PRSS23: variants seen among roughly 807,000 people sequenced by gnomAD.
PRSS23 encodes the protein protease, serine 23.
Under a neutral mutation model 34.7 loss-of-function variants are expected in PRSS23, and 25 were observed. The ratio of observed to expected loss-of-function variants is 0.72; its 90% CI spans 0.53 to 1.01. PRSS23 has a LOEUF of 1.01. PRSS23 is among the 50% of genes least tolerant of loss of function. The pLI is 0.00. For synonymous variants in PRSS23, 176 were observed against 186.6 expected, an observed-to-expected ratio of 0.94 and a Z score of 0.46; for missense variants, 445 against 475.6, an observed-to-expected ratio of 0.94 and a Z score of 0.60.
At chr11:86,878,231 C>CG (rs1948738846) in intron 2 of PRSS23, among the ~76,000 whole-genome samples, 2 of 148,524 alleles carry the variant, frequency 1.3e-5, no homozygotes, top group African/African-American at 2.5e-5. Flanking sequence ...CCTACCCCTC[C>CG]CCCTCCCTCT....
intron 2 of PRSS23, among the ~76,000 whole-genome samples, chr11:86,841,861 G>C (rs1432261984): frequency 6.6e-6 from 1 of 152,172 alleles, no homozygotes; most frequent in Non-Finnish European, 1.5e-5. Flanking sequence ...GTATAAAGAG[G>C]AACTGGTACC....
chr11:86,854,518 T>C (rs578190470), intron 2 of PRSS23, among the ~76,000 whole-genome samples: 2 of 152,386 alleles, frequency 1.3e-5, no homozygotes, highest in South Asian at 4.1e-4. Flanking sequence ...GTCATTTAGA[T>C]GTAATCCAAG....
intron 2 of PRSS23, among the ~76,000 whole-genome samples, chr11:86,838,676 G>C (rs1948425256): frequency 6.6e-6 from 1 of 152,162 alleles, no homozygotes; most frequent in Admixed American, 6.5e-5. Flanking sequence ...TCCTCAAGTG[G>C]GTCCCTGAAC....
Position 86,807,829 on chromosome 11 carries a change from T to G in PRSS23, c.186T>G (p.Ser62=). 6.2e-7 allele frequency: 1 copy of G among 1,614,128 alleles called. No individual in the cohort carries two copies. Among genetic ancestry groups the G allele is most frequent in the East Asian group, 2.2e-5 (1 of 44,866 alleles). Residue 62 remains serine (S), a synonymous_variant, in exon 2 of 2, where the codon TCT becomes TCG. Coordinates refer to ENST00000280258, the MANE Select transcript of PRSS23 (RefSeq NM_007173.6). ...DFGAEAKLEV[S]SSCGPQCHKG... ...GAGCCGAAGCCAAATTAGAAGTATCTTCTTCATGTGGACCCCAGTGTCATA... is the reference window on the plus strand; with the variant it reads ...GAGCCGAAGCCAAATTAGAAGTATCGTCTTCATGTGGACCCCAGTGTCATA...
chr11:86,817,704 G>T (rs1225948214), intron 1 of PRSS23, among the ~76,000 whole-genome samples: 2 of 152,148 alleles, frequency 1.3e-5, no homozygotes, highest in Non-Finnish European at 2.9e-5. Flanking sequence ...TTGTGTTCAG[G>T]CAAGTATCAG....
intron 2 of PRSS23, among the ~76,000 whole-genome samples, chr11:86,841,892 A>G (rs1948451187): frequency 6.6e-6 from 1 of 152,256 alleles, no homozygotes; most frequent in African/African-American, 2.4e-5. Flanking sequence ...AAACTATTCC[A>G]ATCAACAGAA....
intron 2 of PRSS23, among the ~76,000 whole-genome samples, chr11:86,884,218 A>G (rs182491033): frequency 3.1e-4 from 47 of 152,258 alleles, no homozygotes; most frequent in Admixed American, 1.0e-3. Flanking sequence ...TGTTACATCT[A>G]TCGCCATTTG....
intron 2 of PRSS23, among the ~76,000 whole-genome samples, chr11:86,928,705 A>AT (rs58170928): frequency 0.035 from 1,783 of 51,190 alleles, 402 homozygotes; most frequent in Non-Finnish European, 0.051. Flanking sequence ...AAAAAAAAAA[A>AT]ATTGGCAAGA....
At chr11:86,823,922 C>T (rs1301785645) in intron 2 of PRSS23, among the ~76,000 whole-genome samples, 2 of 130,892 alleles carry the variant, frequency 1.5e-5, no homozygotes, top group African/African-American at 2.9e-5. Flanking sequence ...AGGAGAATGG[C>T]GTGAACCCGG....
chr11:86,865,211 T>C (rs961583062), intron 2 of PRSS23, among the ~76,000 whole-genome samples: 5 of 152,180 alleles, frequency 3.3e-5, no homozygotes, highest in Admixed American at 2.6e-4. Flanking sequence ...GGGGAGGCCA[T>C]AGGCTTTGGA....
At chr11:86,907,677 C>G (rs1157536650) in intron 2 of PRSS23, among the ~76,000 whole-genome samples, 3 of 152,106 alleles carry the variant, frequency 2.0e-5, no homozygotes, top group African/African-American at 4.8e-5. Context: ...CCAGGCTGGT[C>G]TCAAGCTCTT....
intron 2 of PRSS23, among the ~76,000 whole-genome samples, chr11:86,927,893 A>G (rs1218601234): frequency 6.6e-6 from 1 of 151,620 alleles, no homozygotes; most frequent in Non-Finnish European, 1.5e-5. Flanking sequence ...GTGAGCTGAG[A>G]TTGCACCACT....
At chr11:86,880,969 A>G (rs903837868) in intron 2 of PRSS23, among the ~76,000 whole-genome samples, 5 of 152,314 alleles carry the variant, frequency 3.3e-5, no homozygotes, top group African/African-American at 9.6e-5. Context: ...TCTGTACGCA[A>G]TATGATGTCA....
intron 2 of PRSS23, among the ~76,000 whole-genome samples, chr11:86,907,964 G>C (rs1948954933): frequency 6.6e-6 from 1 of 152,188 alleles, no homozygotes; most frequent in Admixed American, 6.5e-5. Context: ...TCGTCAGTGG[G>C]AATCACGCAG....
chr11:86,950,425 AG>A (rs572013213), intron 2 of PRSS23: 1 of 152,736 alleles, frequency 6.5e-6, no homozygotes, highest in Non-Finnish European at 1.5e-5. Context: ...AGAAAACAGC[AG>A]CAGCCAAGAA....
At chr11:86,915,462 GGAAATGAGATA>G (rs1271513527) in intron 2 of PRSS23, among the ~76,000 whole-genome samples, 2 of 151,192 alleles carry the variant, frequency 1.3e-5, no homozygotes, top group Non-Finnish European at 2.9e-5. Context: ...AGGCTTATAA[GGAAATGAGATA>G]ATGTAAGAAA....
intron 2 of PRSS23, among the ~76,000 whole-genome samples, chr11:86,943,560 G>A (rs375739628): frequency 1.3e-5 from 2 of 151,968 alleles, no homozygotes; most frequent in African/African-American, 4.8e-5. Context: ...GGAGGCGGAG[G>A]TTGCAGTGAG....
chr11:86,920,005 T>G (rs1050467763), intron 2 of PRSS23, among the ~76,000 whole-genome samples: 2 of 152,210 alleles, frequency 1.3e-5, no homozygotes, highest in African/African-American at 2.4e-5. Context: ...ACAAGTAGAC[T>G]GCAGACGCCA....
intron 2 of PRSS23, among the ~76,000 whole-genome samples, chr11:86,931,464 A>G (rs1462698326): frequency 6.6e-6 from 1 of 152,096 alleles, no homozygotes; most frequent in Non-Finnish European, 1.5e-5. Context: ...TAAATCCATG[A>G]AAAAAAAGCA....
Sources: allele counts gnomAD v4.1 joint callset (sites outside exome capture counted in the v4.1 genomes callset), GRCh38; gene constraint gnomAD v4.1.1; transcripts MANE v1.5; gene names NCBI Gene and HGNC (gene_info 2026-07-23, HGNC 2026-07-21).